Variants in TPP2 observed in about 807,000 individuals in gnomAD.
The protein encoded by TPP2 is tripeptidyl peptidase 2.
In TPP2, 34 loss-of-function variants were observed where a neutral mutation model predicts 155.9. The ratio of observed to expected loss-of-function variants is 0.22; its 90% CI spans 0.17 to 0.29. The LOEUF is 0.29. TPP2 is among the 10% of genes least tolerant of loss of function. The pLI is 1.00. For synonymous variants in TPP2, 510 were observed against 529.4 expected (o/e 0.96, Z 0.50); for missense variants, 1,028 against 1,522.3 (o/e 0.68, Z 5.40).
At chr13:102,645,149 G>T in intron 19 of TPP2, 140 bp downstream of exon 19, 4 of 774,558 alleles carry the variant, frequency 5.2e-6, no homozygotes, top group Non-Finnish European at 8.0e-6. Context: ...GCAGATCTCT[G>T]CAAGGCAGCC....
Position 102,644,914 on chromosome 13 carries a change from A to G in TPP2, c.2298A>G (p.Ala766=), listed in dbSNP as rs770062281. 1.7e-5 allele frequency: 28 copies of G among 1,613,642 alleles called. No homozygotes were observed. The highest frequency in any genetic ancestry group is 8.8e-5 in the South Asian group (8 of 91,010). The stretch of plus-strand genomic sequence containing the variant: ...ATTTGAGAAATCCTTTGTAGCATGC[A>G]TCGGAAGGAATCAACCGCTTTGATG... ...VCTAPQLNIH[A]SEGINRFDVQ... The change falls in exon 19 of 30, where the codon GCA becomes GCG. Residue 766 remains alanine (A), a synonymous_variant. Coordinates refer to ENST00000376052, the MANE Select transcript of TPP2 (RefSeq NM_001330588.2).
intron 27 of TPP2, among the ~76,000 whole-genome samples, chr13:102,670,184 CGGT>C (rs1430491861): frequency 2.0e-5 from 3 of 151,456 alleles, no homozygotes; most frequent in Admixed American, 2.0e-4. Context: ...GGGGGTGTGG[CGGT>C]GAACCACTTT....
chr13:102,659,091 G>C (rs956710108), intron 25 of TPP2, among the ~76,000 whole-genome samples: 38 of 152,164 alleles, frequency 2.5e-4, no homozygotes, highest in African/African-American at 8.7e-4. Context: ...AAAACTGATA[G>C]CTCCTAATTT....
Position 102,602,982 on chromosome 13 carries a change from ACT to A in TPP2, c.166-1809_166-1808del, listed in dbSNP as rs1037761311. On this transcript the variant is annotated intron_variant, in intron 1 of 29. Transcript: ENST00000376052. ...GTTTTCTGGCTGATTCCTGCTGGTA[ACT>A]CAGTACATATTCCTGAATGCAACAA... Among the ~76,000 whole-genome samples, 18 of 151,070 alleles carry A rather than the reference ACT, an allele frequency of 1.2e-4. No individual in the cohort carries two copies. The East Asian group carries it at 3.5e-3, about 29-fold the overall frequency.
At position 102,679,004 on chromosome 13, in the gene TPP2, T is replaced by G. The variant is rs1885469258; in HGVS notation, c.*688T>G. ...AATACATGTGTAAGTGCCAGACAGC[T>G]GAATCTTTATCAGGTATTGTAAAGA... is the stretch of plus-strand genomic sequence containing the variant. On this transcript the variant is annotated 3_prime_UTR_variant, in exon 30 of 30. Transcript: ENST00000376052. 6.6e-6 allele frequency: 1 copy of G among 152,604 alleles called. No homozygotes were observed. The highest frequency in any genetic ancestry group is 2.1e-4 in the South Asian group (1 of 4,836). The allele number at this position is 152,604 out of a possible 1,614,324, so 9.5% of individuals were successfully genotyped here. A position where few individuals can be genotyped will look rare whatever the true frequency, so the allele number is the denominator to read the frequency against.
rs769439702 is a variant in TPP2, at chr13:102,645,045, AT to A, written c.2393+37del. On this transcript the variant is annotated intron_variant, in intron 19 of 29. Coordinates refer to ENST00000376052, the MANE Select transcript of TPP2 (RefSeq NM_001330588.2). ...ATGTTTTAGGAACTACAGATATTGA[AT>A]ATAGATTGGGGGGATCTCTTACACT... is the stretch of plus-strand genomic sequence containing the variant. 8.8e-6 allele frequency: 14 copies of A among 1,589,142 alleles called. No homozygotes were observed. The South Asian group carries it at 1.6e-4, about 18-fold the overall frequency.
At chr13:102,649,206 T>C (rs1883338567) in intron 22 of TPP2, 55 bp downstream of exon 22, 1 of 1,531,416 alleles carries the variant, frequency 6.5e-7, no homozygotes, top group South Asian at 1.3e-5. Context: ...GTAGTCCTTT[T>C]AATGTCAGTT....
intron 19 of TPP2, among the ~76,000 whole-genome samples, chr13:102,645,329 C>T (rs1451302265): frequency 6.6e-6 from 1 of 152,202 alleles, no homozygotes; most frequent in Non-Finnish European, 1.5e-5. Context: ...AATCCTAATG[C>T]AGTCATTTTT....
intron 19 of TPP2, among the ~76,000 whole-genome samples, chr13:102,645,355 A>G (rs1469597668): frequency 1.3e-5 from 2 of 152,230 alleles, no homozygotes; most frequent in African/African-American, 4.8e-5. Flanking sequence ...CTGCAATACC[A>G]TTAGAAACTG....
At chr13:102,664,741 T>C in intron 26 of TPP2, 54 bp from the exon 27 acceptor site, 1 of 1,547,900 alleles carries the variant, frequency 6.5e-7, no homozygotes, top group Non-Finnish European at 8.7e-7. Flanking sequence ...GTGAAATTGC[T>C]TTCGTATACT....
Position 102,637,505 on chromosome 13 carries a change from G to A in TPP2, c.1836+266G>A, listed in dbSNP as rs140019941. Among the ~76,000 whole-genome samples, 306 of 152,142 alleles carry A rather than the reference G, an allele frequency of 2.0e-3. 3 individuals carry two copies. Among genetic ancestry groups the A allele is most frequent in the African/African-American group, 7.0e-3 (292 of 41,502 alleles). On this transcript the variant is annotated intron_variant, in intron 14 of 29. Coordinates refer to ENST00000376052, the MANE Select transcript of TPP2 (RefSeq NM_001330588.2). ...TTTCAATTAGATCTCCCTCTAACTG[G>A]TGTTTTCTTTTGTCAGCTAAACAAA...
intron 10 of TPP2, among the ~76,000 whole-genome samples, chr13:102,632,760 T>C (rs1435338541): frequency 6.6e-6 from 1 of 152,222 alleles, no homozygotes; most frequent in African/African-American, 2.4e-5. Flanking sequence ...AACCTTGTTA[T>C]CTGTGATATG....
intron 13 of TPP2, 78 bp downstream of exon 13, chr13:102,636,470 G>T (rs976340895): frequency 6.8e-7 from 1 of 1,468,754 alleles, no homozygotes; most frequent in African/African-American, 1.4e-5. Flanking sequence ...AAGAATTGCT[G>T]TTTGGGCCAG....
intron 7 of TPP2, among the ~76,000 whole-genome samples, chr13:102,627,641 T>TA (rs1435476213): frequency 1.3e-5 from 2 of 151,846 alleles, no homozygotes; most frequent in South Asian, 4.2e-4. Context: ...TTTTTTTTTT[T>TA]AATGACTACT....
intron 9 of TPP2, among the ~76,000 whole-genome samples, chr13:102,629,862 A>C (rs1392695905): frequency 6.6e-6 from 1 of 152,222 alleles, no homozygotes; most frequent in East Asian, 1.9e-4. Context: ...AGTCTAAAAT[A>C]TCCTGGGATA....
chr13:102,653,542 G>A (rs1318934876), intron 24 of TPP2, among the ~76,000 whole-genome samples: 1 of 152,036 alleles, frequency 6.6e-6, no homozygotes, highest in Non-Finnish European at 1.5e-5. Flanking sequence ...CTACAGGCGT[G>A]TGCCACTATG....
chr13:102,617,861 A>T (rs1208814591), intron 4 of TPP2, among the ~76,000 whole-genome samples: 1 of 152,200 alleles, frequency 6.6e-6, no homozygotes, highest in Non-Finnish European at 1.5e-5. Flanking sequence ...CAGGAAGGCC[A>T]TGTTCCAGTA....
intron 6 of TPP2, among the ~76,000 whole-genome samples, chr13:102,625,910 A>G (rs932294308): frequency 6.6e-6 from 1 of 152,192 alleles, no homozygotes; most frequent in African/African-American, 2.4e-5. Flanking sequence ...ATTTCTCTAT[A>G]TTCATGTCTT....
chr13:102,616,919 T>G lies in TPP2; in HGVS notation c.495+419T>G, dbSNP rs1189722733. 3.4e-5 allele frequency among the ~76,000 whole-genome samples: 4 copies of G among 117,134 alleles called. No individual in the cohort carries two copies. In the East Asian group the frequency reaches 5.9e-4, roughly 17 times the overall value. The allele number at this position is 117,134 out of a possible 152,430, so 76.8% of individuals were successfully genotyped here. ...GTATGGTTTTGTTTTTTGTTTTTTG[T>G]TTTTTTTTTTTGAGACGGAGTCTCG... On this transcript the variant is annotated intron_variant, in intron 4 of 29. Coordinates refer to ENST00000376052, the MANE Select transcript of TPP2 (RefSeq NM_001330588.2).
Sources: allele counts gnomAD v4.1 joint callset (sites outside exome capture counted in the v4.1 genomes callset), GRCh38; gene constraint gnomAD v4.1.1; transcripts MANE v1.5; gene names NCBI Gene and HGNC (gene_info 2026-07-23, HGNC 2026-07-21).